Variants in UBE2E2 observed in about 807,000 individuals in gnomAD.
UBE2E2 encodes the protein ubiquitin-conjugating enzyme E2 E2.
Under a neutral mutation model 24.7 loss-of-function variants are expected in UBE2E2, and 6 were observed. The ratio of observed to expected loss-of-function variants is 0.24; its 90% CI spans 0.13 to 0.48. The LOEUF (loss-of-function observed/expected upper bound fraction) is 0.48, where lower values mean the gene tolerates loss of function less well. Among genes scored for constraint, UBE2E2 ranks in the 20% least tolerant of loss-of-function variants. UBE2E2 has a pLI of 0.99. For missense variants in UBE2E2, 169 were observed against 245.0 expected, an observed-to-expected ratio of 0.69 and a Z score of 2.07; for synonymous variants, 104 against 83.6, an observed-to-expected ratio of 1.24 and a Z score of -1.33.
rs528520143 is a variant in UBE2E2 at position 23,271,575 on chromosome 3, C to A, written c.227+54263C>A. 1.2e-4 allele frequency among the ~76,000 whole-genome samples: 18 copies of A among 152,178 alleles called. No individual in the cohort carries two copies. The East Asian group carries it at 3.5e-3, about 29-fold the overall frequency. On this transcript the variant is annotated intron_variant, in intron 3 of 5. Transcript: ENST00000396703. ...ATGGAGAGCTGATTGGTCCATTTTA[C>A]AGAGAGCTGATTGGTCCATTTTGAC...
chr3:23,394,504 G>A (rs750755005), intron 3 of UBE2E2, among the ~76,000 whole-genome samples: 5 of 152,222 alleles, frequency 3.3e-5, no homozygotes, highest in East Asian at 3.9e-4. Context: ...GTTATAGACC[G>A]TGCTTCCTGC....
intron 3 of UBE2E2, among the ~76,000 whole-genome samples, chr3:23,283,875 G>T (rs1321391229): frequency 6.6e-6 from 1 of 152,104 alleles, no homozygotes; most frequent in African/African-American, 2.4e-5. Context: ...TCGGGGTGGG[G>T]CCAACAGTGT....
intron 5 of UBE2E2, among the ~76,000 whole-genome samples, chr3:23,566,338 T>C (rs963232542): frequency 6.6e-6 from 1 of 152,076 alleles, no homozygotes; most frequent in African/African-American, 2.4e-5. Flanking sequence ...TCATGGGGAG[T>C]AATGGTGATT....
At chr3:23,355,277 C>G (rs1414583211) in intron 3 of UBE2E2, among the ~76,000 whole-genome samples, 1 of 151,676 alleles carries the variant, frequency 6.6e-6, no homozygotes, top group African/African-American at 2.4e-5. Flanking sequence ...ATACCTAATG[C>G]TACATGACGA....
chr3:23,467,729 A>G (rs945302000), intron 3 of UBE2E2, among the ~76,000 whole-genome samples: 5 of 152,288 alleles, frequency 3.3e-5, no homozygotes, highest in Non-Finnish European at 4.4e-5. Context: ...TCACACTGCT[A>G]TAAAGAACTA....
chr3:23,529,465 A>G (rs1369133194), intron 4 of UBE2E2, among the ~76,000 whole-genome samples: 1 of 152,236 alleles, frequency 6.6e-6, no homozygotes, highest in Non-Finnish European at 1.5e-5. Flanking sequence ...ATAAATTTTT[A>G]ACGAAAGAAC....
intron 1 of UBE2E2, chr3:23,204,628 C>G: frequency 1.1e-6 from 1 of 943,674 alleles, no homozygotes; most frequent in Non-Finnish European, 1.3e-6. Flanking sequence ...TGTATGTGGG[C>G]TGACGCTGAA....
chr3:23,489,064 T>A (rs947957786), intron 3 of UBE2E2, among the ~76,000 whole-genome samples: 23 of 152,160 alleles, frequency 1.5e-4, no homozygotes, highest in Admixed American at 2.0e-4. Flanking sequence ...AATTGGCAGA[T>A]GTAGTGACAG....
chr3:23,361,890 A>G (rs776442597), intron 3 of UBE2E2, among the ~76,000 whole-genome samples: 4 of 152,246 alleles, frequency 2.6e-5, no homozygotes, highest in East Asian at 1.9e-4. Context: ...TTAGAAAATC[A>G]TGTATTTGAA....
chr3:23,556,454 T>TAAAAAAAAAAAAAAAAAA lies in UBE2E2; in HGVS notation c.508+23754_508+23771dup, dbSNP rs5847239. ...CCATGCCCAGCCAATAAAATTTATT[T>TAAAAAAAAAAAAAAAAAA]AAAAAAAAAAAAAAAAAAGCTATAC... On this transcript the variant is annotated intron_variant, in intron 5 of 5. Coordinates refer to ENST00000396703, the MANE Select transcript of UBE2E2 (RefSeq NM_152653.4). Among the ~76,000 whole-genome samples, 82 of 94,300 alleles carry TAAAAAAAAAAAAAAAAAA rather than the reference T, an allele frequency of 8.7e-4. 2 individuals are homozygous for TAAAAAAAAAAAAAAAAAA. The highest frequency in any genetic ancestry group is 2.2e-3 in the African/African-American group (48 of 22,194). 61.9% of individuals were successfully genotyped at this position (94,300 alleles called of 152,430 possible). A position where few individuals can be genotyped will look rare whatever the true frequency, so the allele number is the denominator to read the frequency against.
chr3:23,344,526 C>T (rs1028609111), intron 3 of UBE2E2, among the ~76,000 whole-genome samples: 3 of 151,612 alleles, frequency 2.0e-5, no homozygotes, highest in Non-Finnish European at 2.9e-5. Context: ...CCAGTCTCTC[C>T]GAGTTGCGTC....
intron 5 of UBE2E2, among the ~76,000 whole-genome samples, chr3:23,551,142 A>T (rs935912794): frequency 4.6e-5 from 7 of 152,218 alleles, no homozygotes; most frequent in African/African-American, 1.7e-4. Flanking sequence ...AAATTCCAAC[A>T]CTCAACAACA....
chr3:23,297,702 G>C (rs892695804), intron 3 of UBE2E2, among the ~76,000 whole-genome samples: 17 of 152,214 alleles, frequency 1.1e-4, no homozygotes, highest in African/African-American at 3.1e-4. Flanking sequence ...TTGTAGTATA[G>C]TTTGAAGTCA....
chr3:23,272,025 C>T (rs1698257393), intron 3 of UBE2E2, among the ~76,000 whole-genome samples: 1 of 152,210 alleles, frequency 6.6e-6, no homozygotes, highest in African/African-American at 2.4e-5. Flanking sequence ...CCGCACGGCG[C>T]CTGCACTTCT....
chr3:23,254,715 G>T (rs946288969), intron 3 of UBE2E2, among the ~76,000 whole-genome samples: 1 of 152,142 alleles, frequency 6.6e-6, no homozygotes, highest in Non-Finnish European at 1.5e-5. Flanking sequence ...ATCCTGGCTG[G>T]GGAGGAGTAG....
At chr3:23,586,923 A>G (rs190284008) in intron 5 of UBE2E2, among the ~76,000 whole-genome samples, 26 of 148,514 alleles carry the variant, frequency 1.8e-4, no homozygotes, top group East Asian at 5.9e-4. Flanking sequence ...TTTTTTTTAC[A>G]TCATGTGATT....
chr3:23,399,214 T>C (rs778507), intron 3 of UBE2E2, among the ~76,000 whole-genome samples: 87,040 of 152,110 alleles, frequency 0.57, 25,209 homozygotes, highest in East Asian at 0.65. Context: ...TAAGAACGTT[T>C]ATCTTTTCAC....
chr3:23,476,001 G>T (rs1699126061), intron 3 of UBE2E2, among the ~76,000 whole-genome samples: 1 of 152,086 alleles, frequency 6.6e-6, no homozygotes. Flanking sequence ...TAGTATTCAA[G>T]ATGGAGTCAC....
intron 3 of UBE2E2, among the ~76,000 whole-genome samples, chr3:23,244,983 C>T (rs1697356929): frequency 6.6e-6 from 1 of 152,092 alleles, no homozygotes; most frequent in Non-Finnish European, 1.5e-5. Context: ...GAGCTTTGTT[C>T]ATCCCACATT....
Sources: allele counts gnomAD v4.1 joint callset (sites outside exome capture counted in the v4.1 genomes callset), GRCh38; gene constraint gnomAD v4.1.1; transcripts MANE v1.5; gene names NCBI Gene and HGNC (gene_info 2026-07-23, HGNC 2026-07-21).